Variants in COL23A1 observed in about 807,000 individuals in gnomAD.
COL23A1 encodes the protein collagen type XXIII alpha 1 chain, also known as collagen alpha-1(XXIII) chain.
In COL23A1, 97 loss-of-function variants were observed where a neutral mutation model predicts 99.3. The observed-to-expected ratio is 0.98, with a 90% confidence interval of 0.83 to 1.16. The LOEUF (loss-of-function observed/expected upper bound fraction) is 1.16, where lower values mean the gene tolerates loss of function less well. Among genes scored for constraint, COL23A1 ranks in the 50% most tolerant of loss-of-function variants. The pLI, the probability that COL23A1 is intolerant of heterozygous loss-of-function variation, is 0.00. For missense variants in COL23A1, 762 were observed against 757.4 expected (o/e 1.01, Z -0.07); for synonymous variants, 320 against 308.2 (o/e 1.04, Z -0.40).
intron 2 of COL23A1, among the ~76,000 whole-genome samples, chr5:178,554,538 G>A (rs944363971): frequency 1.2e-4 from 18 of 152,160 alleles, no homozygotes; most frequent in African/African-American, 3.6e-4. Flanking sequence ...ACCACCTGGC[G>A]GTGACTGGGC....
chr5:178,443,807 T>C (rs1203611184), intron 2 of COL23A1, among the ~76,000 whole-genome samples: 1 of 152,166 alleles, frequency 6.6e-6, no homozygotes, highest in Non-Finnish European at 1.5e-5. Flanking sequence ...TTCCTGATTG[T>C]ATACCCTAAT....
At chr5:178,390,040 C>G (rs769631576) in intron 2 of COL23A1, among the ~76,000 whole-genome samples, 1 of 152,182 alleles carries the variant, frequency 6.6e-6, no homozygotes, top group African/African-American at 2.4e-5. Flanking sequence ...CAGGACGGAT[C>G]TGTGGGATCC....
Position 178,306,594 on chromosome 5 carries a change from G to A in COL23A1, c.406+281C>T, listed in dbSNP as rs1263385979. ...CCTTCTGCCTCAGAGAGAGGGGGCT[G>A]CTCTGGAGTGGGGGACTAGGGGCCA... On this transcript the variant is annotated intron_variant, in intron 3 of 28. Coordinates refer to ENST00000390654, the MANE Select transcript of COL23A1 (RefSeq NM_173465.4). The surrounding 1 kb of genome is among the most constrained non-coding windows in gnomAD (Gnocchi z 4.1). 1.3e-5 allele frequency among the ~76,000 whole-genome samples: 2 copies of A among 149,334 alleles called. No individual in the cohort carries two copies. The highest frequency in any genetic ancestry group is 3.0e-5 in the Non-Finnish European group (2 of 67,306).
intron 2 of COL23A1, among the ~76,000 whole-genome samples, chr5:178,467,715 T>A (rs1756497401): frequency 6.6e-6 from 1 of 152,240 alleles, no homozygotes; most frequent in Non-Finnish European, 1.5e-5. Context: ...ACTGATTTAA[T>A]TCTTTTTAAT....
chr5:178,330,427 G>A (rs1047558149), intron 2 of COL23A1, among the ~76,000 whole-genome samples: 3 of 152,154 alleles, frequency 2.0e-5, no homozygotes, highest in East Asian at 1.9e-4. Context: ...AGGCCGAGGC[G>A]GGAGGATGAC....
At chr5:178,524,856 A>G (rs533653950) in intron 2 of COL23A1, among the ~76,000 whole-genome samples, 7 of 152,360 alleles carry the variant, frequency 4.6e-5, no homozygotes, top group African/African-American at 1.7e-4. Context: ...TCACTCACGC[A>G]GCAATGCAGT....
At chr5:178,372,297 G>A (rs1223724977) in intron 2 of COL23A1, among the ~76,000 whole-genome samples, 1 of 152,224 alleles carries the variant, frequency 6.6e-6, no homozygotes, top group Admixed American at 6.5e-5. Context: ...TTATACACTT[G>A]GCAGGAGCGC....
intron 1 of COL23A1, among the ~76,000 whole-genome samples, chr5:178,585,497 C>G (rs867846568): frequency 1.8e-5 from 1 of 56,862 alleles, no homozygotes; most frequent in Non-Finnish European, 4.9e-5. Context: ...CCCTGGATGA[C>G]GCTGGAGTAA....
intron 2 of COL23A1, among the ~76,000 whole-genome samples, chr5:178,539,114 T>C (rs938726475): frequency 2.6e-5 from 4 of 152,132 alleles, no homozygotes; most frequent in African/African-American, 9.7e-5. Flanking sequence ...AGGGTTTCTG[T>C]GTGGGGCAAT....
At chr5:178,260,772 C>A (rs1379834539) in intron 11 of COL23A1, among the ~76,000 whole-genome samples, 1 of 152,006 alleles carries the variant, frequency 6.6e-6, no homozygotes, top group Non-Finnish European at 1.5e-5. Flanking sequence ...CCAGCCTGGG[C>A]GACAAGAGCA....
intron 2 of COL23A1, among the ~76,000 whole-genome samples, chr5:178,465,230 C>T (rs890157647): frequency 1.1e-4 from 16 of 152,294 alleles, no homozygotes; most frequent in African/African-American, 2.9e-4. Flanking sequence ...TTAATCAGAA[C>T]GCTGACAGGT....
chr5:178,338,949 G>A (rs979961245), intron 2 of COL23A1, among the ~76,000 whole-genome samples: 3 of 152,190 alleles, frequency 2.0e-5, no homozygotes, highest in African/African-American at 7.2e-5. Flanking sequence ...ACACATCTTA[G>A]GGCTTGGAAA....
intron 2 of COL23A1, among the ~76,000 whole-genome samples, chr5:178,386,798 G>A (rs1476970531): frequency 6.6e-6 from 1 of 152,178 alleles, no homozygotes; most frequent in Non-Finnish European, 1.5e-5. Context: ...GGGAGCAAGA[G>A]CCTGGGAGAG....
At chr5:178,261,821 T>C in intron 10 of COL23A1, 73 bp from the exon 11 acceptor site, 1 of 1,310,148 alleles carries the variant, frequency 7.6e-7, no homozygotes, top group Non-Finnish European at 1.1e-6. Flanking sequence ...CTTAGCATCC[T>C]GGCTTTGTAA....
chr5:178,543,288 G>C (rs765484873), intron 2 of COL23A1, among the ~76,000 whole-genome samples: 7 of 152,064 alleles, frequency 4.6e-5, no homozygotes, highest in Non-Finnish European at 1.0e-4. Context: ...TGTATTTTTA[G>C]TAGAGACAAG....
At chr5:178,416,206 T>C (rs994500571) in intron 2 of COL23A1, among the ~76,000 whole-genome samples, 2 of 152,148 alleles carry the variant, frequency 1.3e-5, no homozygotes, top group African/African-American at 4.8e-5. Context: ...CTGGATTGCT[T>C]ACATAATGTG....
At chr5:178,546,609 G>A (rs535917783) in intron 2 of COL23A1, among the ~76,000 whole-genome samples, 12 of 152,384 alleles carry the variant, frequency 7.9e-5, no homozygotes, top group African/African-American at 2.6e-4. Context: ...TGGACGATGA[G>A]GTAAAAGGAC....
chr5:178,239,255 T>A (rs1329347481), intron 27 of COL23A1, 76 bp from the exon 28 acceptor site: 1 of 1,534,036 alleles, frequency 6.5e-7, no homozygotes. Flanking sequence ...CCTCCCCTGG[T>A]CTGTAGGGAG....
intron 2 of COL23A1, among the ~76,000 whole-genome samples, chr5:178,390,906 G>A (rs977350791): frequency 1.6e-4 from 24 of 152,232 alleles, no homozygotes; most frequent in African/African-American, 5.3e-4. Context: ...GAAAGCATAA[G>A]CAACCAAAGG....
Sources: gnomAD v4.1 joint callset for allele counts (sites outside exome capture counted in the v4.1 genomes callset) on GRCh38, gnomAD v4.1.1 for gene constraint, Gnocchi (gnomAD v3.1) non-coding constraint, MANE v1.5 for transcripts, NCBI Gene and HGNC (gene_info 2026-07-23, HGNC 2026-07-21) for gene names.